GPD2: variants seen among roughly 807,000 people sequenced by gnomAD.
GPD2 encodes glycerol-3-phosphate dehydrogenase, mitochondrial.
Under a neutral mutation model 82.4 loss-of-function variants are expected in GPD2, and 54 were observed. That is an observed-to-expected ratio of 0.66 (90% confidence interval 0.53 to 0.82). The LOEUF is 0.82. Among genes scored for constraint, GPD2 ranks in the 40% least tolerant of loss-of-function variants. The probability of loss-of-function intolerance (pLI) is 0.00; values close to 1 mark genes in which losing one functional copy is unlikely to be tolerated. For missense variants in GPD2, 748 were observed against 896.2 expected, an observed-to-expected ratio of 0.83 and a Z score of 2.11; for synonymous variants, 288 against 306.1, an observed-to-expected ratio of 0.94 and a Z score of 0.62.
At chr2:156,409,444 C>T in the GPD2 span, among the ~76,000 whole-genome samples, 2 of 152,018 alleles carry the variant, frequency 1.3e-5, no homozygotes, top group South Asian at 4.2e-4. Context: ...CATCATAATC[C>T]CAGTTCTTTG....
chr2:156,430,398 C>T (rs557777979), upstream of GPD2, among the ~76,000 whole-genome samples: 33 of 152,234 alleles, frequency 2.2e-4, no homozygotes, highest in South Asian at 2.7e-3. Flanking sequence ...TTAAGGATTA[C>T]ATCACCTTGT....
intron 3 of GPD2, among the ~76,000 whole-genome samples, chr2:156,498,841 TAAGAG>T (rs1279373152): frequency 6.6e-6 from 1 of 152,144 alleles, no homozygotes; most frequent in African/African-American, 2.4e-5. Context: ...TTTATAAAGA[TAAGAG>T]TAATCTGAAT....
chr2:156,526,634 GCTTTTGTTTCAAAGACATTCGGAGAACA>G (rs1190449080), intron 6 of GPD2, among the ~76,000 whole-genome samples: 1 of 152,054 alleles, frequency 6.6e-6, no homozygotes, highest in Non-Finnish European at 1.5e-5. Context: ...GGGACTTTCT[GCTTTTGTTTCAAAGACATTCGGAGAACA>G]CATGCCCAAG....
At chr2:156,548,791 TATTC>T (rs1686645288) in intron 6 of GPD2, among the ~76,000 whole-genome samples, 1 of 152,182 alleles carries the variant, frequency 6.6e-6, no homozygotes, top group African/African-American at 2.4e-5. Context: ...GATAATTAAT[TATTC>T]AGGGCACAGA....
intron 13 of GPD2, among the ~76,000 whole-genome samples, chr2:156,571,498 A>G (rs546268891): frequency 4.6e-5 from 7 of 152,170 alleles, no homozygotes; most frequent in African/African-American, 1.7e-4. Flanking sequence ...TCTTGTAGAA[A>G]ATGCTCATAA....
intron 2 of GPD2, among the ~76,000 whole-genome samples, chr2:156,478,573 A>G (rs563645457): frequency 7.0e-4 from 107 of 152,340 alleles, no homozygotes; most frequent in African/African-American, 2.4e-3. Context: ...ACATTGACAT[A>G]AAATGACCAC....
chr2:156,557,048 G>T (rs1686989651), intron 8 of GPD2, among the ~76,000 whole-genome samples: 1 of 151,768 alleles, frequency 6.6e-6, no homozygotes, highest in African/African-American at 2.4e-5. Flanking sequence ...CATTTATCCT[G>T]CTGACATTAT....
intron 1 of GPD2, among the ~76,000 whole-genome samples, chr2:156,454,747 G>A (rs1682729263): frequency 6.6e-6 from 1 of 152,090 alleles, no homozygotes; most frequent in Admixed American, 6.6e-5. Flanking sequence ...GTCTTCTGGT[G>A]ATGACTGAGG....
intron 6 of GPD2, among the ~76,000 whole-genome samples, chr2:156,526,948 G>C (rs1211957804): frequency 2.6e-5 from 4 of 152,142 alleles, no homozygotes; most frequent in Admixed American, 2.6e-4. Context: ...TCACGTATCT[G>C]TTGGCATAGT....
At chr2:156,405,112 C>T in the GPD2 span, among the ~76,000 whole-genome samples, 7 of 152,182 alleles carry the variant, frequency 4.6e-5, no homozygotes, top group East Asian at 5.8e-4. Flanking sequence ...AGAGAGGTGA[C>T]GAGGTCCTGA....
At chr2:156,408,449 G>A in the GPD2 span, among the ~76,000 whole-genome samples, 4 of 152,104 alleles carry the variant, frequency 2.6e-5, no homozygotes, top group Admixed American at 2.6e-4. Context: ...CTGCAGGCTG[G>A]GTGCAGTGGC....
intron 1 of GPD2, among the ~76,000 whole-genome samples, chr2:156,456,827 A>G (rs1237250895): frequency 6.6e-6 from 1 of 152,012 alleles, no homozygotes; most frequent in African/African-American, 2.4e-5. Context: ...CTGAGCAATA[A>G]GGAGATGGCG....
intron 3 of GPD2, among the ~76,000 whole-genome samples, chr2:156,503,752 A>G (rs1232594395): frequency 5.3e-5 from 8 of 152,168 alleles, no homozygotes; most frequent in African/African-American, 1.9e-4. Flanking sequence ...TTCTGATAAA[A>G]TATATAAGAC....
chr2:156,400,455 A>G, the GPD2 span, among the ~76,000 whole-genome samples: 1 of 152,196 alleles, frequency 6.6e-6, no homozygotes, highest in African/African-American at 2.4e-5. Flanking sequence ...TCCGGCAGGC[A>G]TTGGGCACCC....
At chr2:156,486,722 A>G (rs1489364922) in intron 2 of GPD2, among the ~76,000 whole-genome samples, 2 of 152,274 alleles carry the variant, frequency 1.3e-5, no homozygotes, top group Non-Finnish European at 2.9e-5. Context: ...TGTGATTTCA[A>G]CAAAGAATTT....
chr2:156,553,313 A>G (rs950396417), intron 8 of GPD2, among the ~76,000 whole-genome samples: 4 of 152,270 alleles, frequency 2.6e-5, no homozygotes, highest in African/African-American at 7.2e-5. Context: ...ATTAGTGCCC[A>G]GTAAATATTT....
chr2:156,548,341 T>C (rs1277065681), intron 6 of GPD2, among the ~76,000 whole-genome samples: 1 of 152,234 alleles, frequency 6.6e-6, no homozygotes, highest in East Asian at 1.9e-4. Context: ...CTATTGTCAT[T>C]GTTTTTTTCT....
intron 1 of GPD2, among the ~76,000 whole-genome samples, chr2:156,451,854 G>A (rs562343199): frequency 7.5e-4 from 113 of 150,810 alleles, no homozygotes; most frequent in Admixed American, 1.2e-3. Flanking sequence ...TCAGATGGGC[G>A]GAGGGTCTCC....
In GPD2 at chr2:156,563,475, A is replaced by T. The variant is rs572570382; in HGVS notation, c.1166-5350A>T. Among the ~76,000 whole-genome samples, 5 of 152,306 alleles carry T rather than the reference A, an allele frequency of 3.3e-5. No individual in the cohort carries two copies. The East Asian group carries it at 9.6e-4, about 29-fold the overall frequency. On this transcript the variant is annotated intron_variant, in intron 9 of 16. Coordinates refer to ENST00000438166, the MANE Select transcript of GPD2 (RefSeq NM_000408.5). ...CAGTTAAAGTGGGTGATGGTCATTTATTAATCTTGACTGTAACCTGTATGG... is the reference window on the plus strand; with the variant it reads ...CAGTTAAAGTGGGTGATGGTCATTTTTTAATCTTGACTGTAACCTGTATGG...
Sources: allele counts gnomAD v4.1 joint callset (sites outside exome capture counted in the v4.1 genomes callset), GRCh38; gene constraint gnomAD v4.1.1; transcripts MANE v1.5; gene names NCBI Gene and HGNC (gene_info 2026-07-23, HGNC 2026-07-21).